The following RDH14 variants were observed in gnomAD, a reference collection of about 807,000 sequenced individuals.
The protein encoded by RDH14 is retinol dehydrogenase 14, also known as alcohol dehydrogenase PAN2.
A neutral mutation model predicts 19.3 loss-of-function variants in RDH14; 17 were observed. The observed-to-expected ratio is 0.88, with a 90% CI of 0.60 to 1.32. The LOEUF (loss-of-function observed/expected upper bound fraction) is 1.32. RDH14 is among the 40% of genes most tolerant of loss of function. RDH14 has a pLI of 0.00. For synonymous variants in RDH14, 215 were observed against 188.9 expected (o/e 1.14, Z -1.13); for missense variants, 534 against 449.2 (o/e 1.19, Z -1.71).
intron 1 of RDH14, 78 bp downstream of exon 1, chr2:18,560,102 G>C: frequency 7.0e-7 from 1 of 1,436,618 alleles, no homozygotes; most frequent in Non-Finnish European, 9.2e-7. Flanking sequence ...GGTCCCTCGC[G>C]GCTCAGCCCC....
Position 18,555,473 on chromosome 2 carries a change from A to G in RDH14, c.729T>C (p.Asn243=), listed in dbSNP as rs1294621752. ...RRLEGTNVTV[N]VLHPGIVRTN... is the part of the protein sequence containing the mutation. ...TCCGTACAATACCAGGATGCAACAC[A>G]TTGACGGTGACATTTGTGCCTTCTA... Residue 243 remains asparagine (N), a synonymous_variant, in exon 2 of 2, where the codon AAT becomes AAC. Coordinates refer to ENST00000381249, the MANE Select transcript of RDH14 (RefSeq NM_020905.4). 4 of 1,614,176 alleles carry G rather than the reference A, an allele frequency of 2.5e-6. No individual in the cohort carries two copies. The South Asian group carries it at 3.3e-5, about 13-fold the overall frequency.
rs1439212214 is a variant in RDH14 at position 18,560,432 on chromosome 2, C to T, written c.141G>A (p.Leu47=). ...DPGLMHGKTV[L]ITGANSGLGR... is the part of the protein sequence containing the mutation. Reference sequence around the variant, plus strand: ...CCAGGCCGCTGTTCGCCCCGGTGATCAGCACAGTCTTCCCGTGCATGAGGC... The same window carrying T: ...CCAGGCCGCTGTTCGCCCCGGTGATTAGCACAGTCTTCCCGTGCATGAGGC... Residue 47 remains leucine (L), a synonymous_variant, in exon 1 of 2, where the codon CTG becomes CTA. Transcript: ENST00000381249. 2 of 1,510,450 alleles carry T rather than the reference C, an allele frequency of 1.3e-6. No individual in the cohort carries two copies. The highest frequency in any genetic ancestry group is 4.2e-5 in the Admixed American group (2 of 47,942). 93.6% of individuals were successfully genotyped at this position (1,510,450 alleles called of 1,614,324 possible).
chr2:18,555,642 A>C lies in RDH14; in HGVS notation c.560T>G (p.Ile187Ser). The change falls in exon 2 of 2, where the codon ATT (isoleucine) becomes AGT (serine). Residue 187 changes from isoleucine to serine, a missense_variant. Physicochemically the swap from Ile to Ser is moderately radical, Grantham distance 142 (BLOSUM62 -2). Coordinates refer to ENST00000381249, the MANE Select transcript of RDH14 (RefSeq NM_020905.4). ...ATAAAGTTTGGAAGAAACTACCACA[A>C]TCCTGCTGGGAGCTGAACTTTTGAG... ...GLLKSSAPSR[I>S]VVVSSKLYKY... 6.2e-7 allele frequency: 1 copy of C among 1,614,062 alleles called. No homozygotes were observed. Among genetic ancestry groups the C allele is most frequent in the Non-Finnish European group, 8.5e-7 (1 of 1,179,962 alleles).
rs183426822 is a variant in RDH14, at chr2:18,560,273, C to G, written c.300G>C (p.Glu100Asp). ...GCTCGCCCACCCCGCTGACGCCAGG[C>G]TCTGGGCCGCACTCCGCGGCCTGGC... ...ELRQAAECGP[E>D]PGVSGVGELI... The change falls in exon 1 of 2, where the codon GAG (glutamate) becomes GAC (aspartate). Residue 100 changes from glutamate (E) to aspartate (D), a missense_variant. By Grantham distance (45) the Glu-to-Asp change is conservative. Coordinates refer to ENST00000381249, the MANE Select transcript of RDH14 (RefSeq NM_020905.4). 6.1e-4 allele frequency: 923 copies of G among 1,507,830 alleles called. 4 individuals are homozygous for G. In the African/African-American group the frequency reaches 9.8e-3, roughly 16 times the overall value. The allele number at this position is 1,507,830 out of a possible 1,614,324, so 93.4% of individuals were successfully genotyped here.
At position 18,560,345 on chromosome 2, in the gene RDH14, G is replaced by A. The variant is rs1407498059; in HGVS notation, c.228C>T (p.Asp76=). ...LGARVIMGCR[D]RARAEEAAGQ... is the part of the protein sequence containing the mutation. Reference sequence around the variant, plus strand: ...CCGCCGCCTCCTCGGCGCGCGCGCGGTCCCGGCAGCCCATGATCACCCGCG... The same window carrying A: ...CCGCCGCCTCCTCGGCGCGCGCGCGATCCCGGCAGCCCATGATCACCCGCG... The change falls in exon 1 of 2, where the codon GAC becomes GAT. Residue 76 remains aspartate (D), a synonymous_variant. Coordinates refer to ENST00000381249, the MANE Select transcript of RDH14 (RefSeq NM_020905.4). 5 of 1,417,490 alleles carry A rather than the reference G, an allele frequency of 3.5e-6. No homozygotes were observed. The East Asian group carries it at 1.2e-4, about 34-fold the overall frequency. 87.8% of individuals were successfully genotyped at this position (1,417,490 alleles called of 1,614,324 possible).
In RDH14 at chr2:18,555,294, A is replaced by G. The variant is rs761271866; in HGVS notation, c.908T>C (p.Phe303Ser). 1.1e-5 allele frequency: 18 copies of G among 1,613,976 alleles called. No individual in the cohort carries two copies. Among genetic ancestry groups the G allele is most frequent in the Non-Finnish European group, 1.4e-5 (17 of 1,179,992 alleles). Residue 303 changes from phenylalanine (F) to serine (S), a missense_variant, in exon 2 of 2, where the codon TTT becomes TCT. Coordinates refer to ENST00000381249, the MANE Select transcript of RDH14 (RefSeq NM_020905.4). ...PEVEGVSGRY[F>S]GDCKEEELLP... Reference sequence around the variant, plus strand: ...CAGTTCTTCCTCTTTACAATCCCCAAAGTATCTTCCTGACACTCCTTCTAC... The same window carrying G: ...CAGTTCTTCCTCTTTACAATCCCCAGAGTATCTTCCTGACACTCCTTCTAC...
intron 1 of RDH14, among the ~76,000 whole-genome samples, chr2:18,557,885 A>G (rs530657890): frequency 4.7e-4 from 72 of 152,356 alleles, no homozygotes; most frequent in African/African-American, 1.6e-3. Flanking sequence ...TGTGTTACAC[A>G]TAATTAAATA....
chr2:18,558,126 TA>T (rs1663974910), intron 1 of RDH14, among the ~76,000 whole-genome samples: 1 of 152,198 alleles, frequency 6.6e-6, no homozygotes, highest in South Asian at 2.1e-4. Flanking sequence ...AGCTGACTTT[TA>T]AGCAGCTGTT....
Position 18,560,437 on chromosome 2 carries a change from C to G in RDH14, c.136G>C (p.Val46Leu). The change falls in exon 1 of 2, where the codon GTG becomes CTG. Residue 46 changes from valine to leucine, a missense_variant. By Grantham distance (32) the Val-to-Leu change is conservative. Coordinates refer to ENST00000381249, the MANE Select transcript of RDH14 (RefSeq NM_020905.4). ...GDPGLMHGKT[V>L]LITGANSGLG... Reference sequence around the variant, plus strand: ...CCGCTGTTCGCCCCGGTGATCAGCACAGTCTTCCCGTGCATGAGGCCGGGG... The same window carrying G: ...CCGCTGTTCGCCCCGGTGATCAGCAGAGTCTTCCCGTGCATGAGGCCGGGG... 5 of 1,514,236 alleles carry G rather than the reference C, an allele frequency of 3.3e-6. No individual in the cohort carries two copies. Among genetic ancestry groups the G allele is most frequent in the South Asian group, 2.4e-5 (2 of 82,132 alleles). The allele number at this position is 1,514,236 out of a possible 1,614,324, so 93.8% of individuals were successfully genotyped here.
At position 18,560,306 on chromosome 2, in the gene RDH14, GCGGCGGAGCTGACCCGCCGCCTCCT is replaced by G. The variant is rs1558357616; in HGVS notation, c.242_266del (p.Glu81AlafsTer22). ...CGCACTCCGCGGCCTGGCGGAGCTC[GCGGCGGAGCTGACCCGCCGCCTCCT>G]CGGCGCGCGCGCGGTCCCGGCAGCC... On this transcript the variant is annotated frameshift_variant, in exon 1 of 2. Coordinates refer to ENST00000381249, the MANE Select transcript of RDH14 (RefSeq NM_020905.4). LOFTEE classifies it high-confidence loss of function. The G allele has an allele frequency of 1.4e-6, 2 of 1,465,668 alleles. No individual in the cohort carries two copies. The highest frequency in any genetic ancestry group is 2.5e-5 in the Admixed American group (1 of 39,240). 90.8% of individuals were successfully genotyped at this position (1,465,668 alleles called of 1,614,324 possible). A position where few individuals can be genotyped will look rare whatever the true frequency, so the allele number is the denominator to read the frequency against.
intron 1 of RDH14, among the ~76,000 whole-genome samples, chr2:18,557,072 T>C (rs1663942728): frequency 6.6e-6 from 1 of 152,228 alleles, no homozygotes; most frequent in Non-Finnish European, 1.5e-5. Flanking sequence ...CAACATTTTA[T>C]ACTCTGAACT....
chr2:18,557,069 T>C (rs1001896834), intron 1 of RDH14, among the ~76,000 whole-genome samples: 3 of 152,200 alleles, frequency 2.0e-5, no homozygotes, highest in African/African-American at 4.8e-5. Context: ...AGTCAACATT[T>C]TATACTCTGA....
At position 18,560,573 on chromosome 2, in the gene RDH14, C is replaced by A; in HGVS notation, c.-1G>T. On this transcript the variant is annotated 5_prime_UTR_variant, in exon 1 of 2. Coordinates refer to ENST00000381249, the MANE Select transcript of RDH14 (RefSeq NM_020905.4). ...CTGCCGCCGCAGTGGCCACTGCCAT[C>A]GTCAGGCCCGAGGGCCCACCGGCCC... 2 of 1,456,836 alleles carry A rather than the reference C, an allele frequency of 1.4e-6. No homozygotes were observed. Among genetic ancestry groups the A allele is most frequent in the Non-Finnish European group, 1.8e-6 (2 of 1,116,080 alleles). 90.2% of individuals were successfully genotyped at this position (1,456,836 alleles called of 1,614,324 possible).
intron 1 of RDH14, among the ~76,000 whole-genome samples, chr2:18,556,198 T>C (rs1377025335): frequency 6.6e-6 from 1 of 152,238 alleles, no homozygotes; most frequent in African/African-American, 2.4e-5. Context: ...TACAAATATA[T>C]AAACTTTAAC....
Position 18,560,585 on chromosome 2 carries a change from GGGCCCACC to G in RDH14, c.-21_-14del. On this transcript the variant is annotated 5_prime_UTR_variant, in exon 1 of 2. Transcript: ENST00000381249. ...TGGCCACTGCCATCGTCAGGCCCGA[GGGCCCACC>G]GGCCCCTCCACGGGAGTTCCGCAGC... is the stretch of plus-strand genomic sequence containing the variant. 1 of 1,421,566 alleles carries G rather than the reference GGGCCCACC, an allele frequency of 7.0e-7. No homozygotes were observed. Among genetic ancestry groups the G allele is most frequent in the Non-Finnish European group, 9.1e-7 (1 of 1,099,076 alleles). The allele number at this position is 1,421,566 out of a possible 1,614,324, so 88.1% of individuals were successfully genotyped here. A position where few individuals can be genotyped will look rare whatever the true frequency, so the allele number is the denominator to read the frequency against.
rs191264276 is a variant in RDH14 at position 18,555,837 on chromosome 2, A to G, written c.394-29T>C. On this transcript the variant is annotated intron_variant, in intron 1 of 1. Coordinates refer to ENST00000381249, the MANE Select transcript of RDH14 (RefSeq NM_020905.4). ...TAAATGTCAAAAAGAGAATGGCAGA[A>G]TTATTAAGAACACACGCCTTGTATT... The G allele has an allele frequency of 2.2e-4, 345 of 1,571,502 alleles. 5 individuals are homozygous for G. In the Admixed American group the frequency reaches 5.5e-3, roughly 25 times the overall value.
Position 18,555,405 on chromosome 2 carries a change from G to A in RDH14, c.797C>T (p.Pro266Leu), listed in dbSNP as rs144461545. 1 of 1,614,094 alleles carries A rather than the reference G, an allele frequency of 6.2e-7. No homozygotes were observed. The highest frequency in any genetic ancestry group is 1.3e-5 in the African/African-American group (1 of 75,010). The change falls in exon 2 of 2, where the codon CCA (proline) becomes CTA (leucine). Residue 266 changes from proline to leucine, a missense_variant. Transcript: ENST00000381249. The part of the protein sequence containing the change: ...RHIHIPLLVK[P>L]LFNLVSWAFF... ...AGCCCATGACACCAAATTGAAGAGTGGTTTGACCAACAGTGGAATGTGTAT... is the reference window on the plus strand; with the variant it reads ...AGCCCATGACACCAAATTGAAGAGTAGTTTGACCAACAGTGGAATGTGTAT...
At chr2:18,558,586 G>C (rs1462750681) in intron 1 of RDH14, among the ~76,000 whole-genome samples, 1 of 152,140 alleles carries the variant, frequency 6.6e-6, no homozygotes, top group Non-Finnish European at 1.5e-5. Context: ...ATTTCACCCT[G>C]GCAATGTATT....
At chr2:18,558,772 C>T (rs542184092) in intron 1 of RDH14, among the ~76,000 whole-genome samples, 34 of 152,334 alleles carry the variant, frequency 2.2e-4, no homozygotes, top group South Asian at 1.0e-3. Flanking sequence ...TCTATCCCTC[C>T]TGCACATGTA....
Sources: gnomAD v4.1 joint callset for allele counts (sites outside exome capture counted in the v4.1 genomes callset) on GRCh38, gnomAD v4.1.1 for gene constraint, MANE v1.5 for transcripts, NCBI Gene and HGNC (gene_info 2026-07-23, HGNC 2026-07-21) for gene names.